PJA2: variants seen among roughly 807,000 people sequenced by gnomAD.
PJA2 encodes the protein E3 ubiquitin-protein ligase Praja-2.
Under a neutral mutation model 69.3 loss-of-function variants are expected in PJA2, and 25 were observed. That is an observed-to-expected ratio of 0.36 (90% CI 0.26 to 0.50). The LOEUF (loss-of-function observed/expected upper bound fraction) is 0.50, where lower values mean the gene tolerates loss of function less well. Ranked by LOEUF, PJA2 falls within the 20% of genes least tolerant of loss-of-function variation. The probability of loss-of-function intolerance (pLI) is 0.96; values close to 1 mark genes in which losing one functional copy is unlikely to be tolerated. For missense variants in PJA2, 809 were observed against 830.2 expected (o/e 0.97, Z 0.31); for synonymous variants, 308 against 277.8 (o/e 1.11, Z -1.08).
At chr5:109,347,432 T>G (rs1034906754) in intron 7 of PJA2, among the ~76,000 whole-genome samples, 4 of 152,212 alleles carry the variant, frequency 2.6e-5, no homozygotes, top group Admixed American at 2.0e-4. Flanking sequence ...ATCAGACTCC[T>G]CCAGTGTGGG....
rs183501068 is a variant in PJA2, at chr5:109,344,770, T to A, written c.1814A>T (p.Asn605Ile). 1 of 1,614,142 alleles carries A rather than the reference T, an allele frequency of 6.2e-7. No individual in the cohort carries two copies. Among genetic ancestry groups the A allele is most frequent in the East Asian group, 2.2e-5 (1 of 44,868 alleles). The change falls in exon 8 of 10, where the codon AAT becomes ATT. Residue 605 changes from asparagine to isoleucine, a missense_variant. By Grantham distance (149) the Asn-to-Ile change is moderately radical. Coordinates refer to ENST00000361189, the MANE Select transcript of PJA2 (RefSeq NM_014819.5). ...ESLAVDVEVA[N>I]PPASKESIDG... ...AATGCTTTCCTTACTAGCTGGTGGATTGGCCACCTCAACATCCACTGCAAG... is the reference window on the plus strand; with the variant it reads ...AATGCTTTCCTTACTAGCTGGTGGAATGGCCACCTCAACATCCACTGCAAG...
At chr5:109,345,134 A>C (rs1446133942) in intron 7 of PJA2, among the ~76,000 whole-genome samples, 3 of 148,888 alleles carry the variant, frequency 2.0e-5, no homozygotes, top group African/African-American at 7.5e-5. Flanking sequence ...ACTTGAGGTC[A>C]GGAGTTCAAG....
intron 1 of PJA2, among the ~76,000 whole-genome samples, chr5:109,394,909 T>G (rs1055797186): frequency 7.9e-5 from 12 of 152,104 alleles, no homozygotes; most frequent in Admixed American, 7.9e-4. Context: ...TAACTCTGGG[T>G]AGGGGGTGAA....
At chr5:109,360,838 T>C (rs1762492938) in intron 6 of PJA2, among the ~76,000 whole-genome samples, 1 of 152,160 alleles carries the variant, frequency 6.6e-6, no homozygotes, top group African/African-American at 2.4e-5. Context: ...GTTCAAATTA[T>C]ATTCAGAGGC....
rs1746951513 is a variant in PJA2 at position 109,378,453 on chromosome 5, C to A, written c.1034G>T (p.Arg345Ile). ...RHEAKQRSVQ[R>I]WREALEVEES... ...CTCAACTTCCAAAGCCTCTCTCCAT[C>A]TTTGAACACTTCTTTGTTTCGCCTC... Residue 345 changes from arginine to isoleucine, a missense_variant, in exon 4 of 10, where the codon AGA (arginine) becomes ATA (isoleucine). Physicochemically the swap from Arg to Ile is moderately conservative, Grantham distance 97. This residue lies in a region of PJA2 where 700 missense variants were observed against 639.5 expected (regional missense o/e 1.09). Transcript: ENST00000361189. 3 of 1,614,176 alleles carry A rather than the reference C, an allele frequency of 1.9e-6. No individual in the cohort carries two copies. Among genetic ancestry groups the A allele is most frequent in the Non-Finnish European group, 2.5e-6 (3 of 1,180,028 alleles).
At chr5:109,391,568 G>A (rs150858587) in intron 1 of PJA2, among the ~76,000 whole-genome samples, 1 of 151,490 alleles carries the variant, frequency 6.6e-6, no homozygotes, top group Admixed American at 6.6e-5. Flanking sequence ...AGAAGTCCAT[G>A]TCATCTGAGC....
At chr5:109,338,332 C>T (rs1183799034) in intron 9 of PJA2, among the ~76,000 whole-genome samples, 1 of 152,056 alleles carries the variant, frequency 6.6e-6, no homozygotes, top group Non-Finnish European at 1.5e-5. Flanking sequence ...ACATATATTA[C>T]GTTTACCGTT....
chr5:109,342,658 G>A (rs1762096107), intron 9 of PJA2, among the ~76,000 whole-genome samples: 1 of 117,576 alleles, frequency 8.5e-6, no homozygotes, highest in Admixed American at 7.6e-5. Flanking sequence ...AGGTGGGGGT[G>A]TCAGCCCCCC....
chr5:109,362,445 G>A (rs1762519583), intron 6 of PJA2, among the ~76,000 whole-genome samples: 1 of 152,182 alleles, frequency 6.6e-6, no homozygotes, highest in Admixed American at 6.5e-5. Flanking sequence ...TAGGGAAGGA[G>A]AACTATTCTT....
Position 109,383,502 on chromosome 5 carries a change from GAC to G in PJA2, c.-71_-70del. The G allele has an allele frequency of 7.7e-7, 1 of 1,290,584 alleles. No homozygotes were observed. Among genetic ancestry groups the G allele is most frequent in the Non-Finnish European group, 1.1e-6 (1 of 904,142 alleles). 79.9% of individuals were successfully genotyped at this position (1,290,584 alleles called of 1,614,324 possible). ...TGATTTAGTTTTTATTCACACTATG[GAC>G]AAGCCGCAGAAGATTCCTACAAAGA... On this transcript the variant is annotated 5_prime_UTR_variant, in exon 2 of 10. Transcript: ENST00000361189.
At chr5:109,407,696 T>A (rs1747722033) in intron 1 of PJA2, among the ~76,000 whole-genome samples, 1 of 152,114 alleles carries the variant, frequency 6.6e-6, no homozygotes, top group Non-Finnish European at 1.5e-5. Context: ...AAAGTTTTGC[T>A]ATAACCAGAG....
chr5:109,342,043 G>C (rs1256410570), intron 9 of PJA2, among the ~76,000 whole-genome samples: 17 of 139,108 alleles, frequency 1.2e-4, no homozygotes, highest in African/African-American at 3.9e-4. Flanking sequence ...CCGTCCGGGA[G>C]GGAGGTGGGG....
In PJA2 at chr5:109,354,136, G is replaced by A. The variant is rs879328685; in HGVS notation, c.1764+1779C>T. 6.5e-3 allele frequency among the ~76,000 whole-genome samples: 563 copies of A among 86,538 alleles called. 39 individuals are homozygous for A. Among genetic ancestry groups the A allele is most frequent in the Non-Finnish European group, 9.3e-3 (361 of 38,836 alleles). The allele number at this position is 86,538 out of a possible 152,430, so 56.8% of individuals were successfully genotyped here. A position where few individuals can be genotyped will look rare whatever the true frequency, so the allele number is the denominator to read the frequency against. On this transcript the variant is annotated intron_variant, in intron 7 of 9. Transcript: ENST00000361189. ...TTAGATATCTATGGTATCTAGAGCTGTCTATAGATTAGATATCTATGATAT... is the reference window on the plus strand; with the variant it reads ...TTAGATATCTATGGTATCTAGAGCTATCTATAGATTAGATATCTATGATAT...
intron 8 of PJA2, 35 bp from the exon 9 acceptor site, chr5:109,344,346 T>A (rs1308960985): frequency 1.3e-6 from 2 of 1,562,244 alleles, no homozygotes; most frequent in Non-Finnish European, 1.7e-6. Flanking sequence ...CAATCACACG[T>A]AGTTCAATTT....
chr5:109,405,242 T>C (rs542387622), intron 1 of PJA2, among the ~76,000 whole-genome samples: 6 of 152,342 alleles, frequency 3.9e-5, no homozygotes, highest in Non-Finnish European at 7.3e-5. Flanking sequence ...GAGCAACATC[T>C]TCATGCTGCA....
intron 1 of PJA2, among the ~76,000 whole-genome samples, chr5:109,401,523 C>CA (rs1747548447): frequency 6.6e-6 from 1 of 151,894 alleles, no homozygotes. Context: ...ATACTGACAG[C>CA]AGAAAAAAGG....
chr5:109,342,382 G>C (rs531700237), intron 9 of PJA2, among the ~76,000 whole-genome samples: 8 of 69,488 alleles, frequency 1.2e-4, no homozygotes, highest in African/African-American at 5.9e-4. Context: ...AGGTGGGGGG[G>C]TCGGCCCCCT....
At position 109,336,267 on chromosome 5, in the gene PJA2, CTG is replaced by C. The variant is rs775132582; in HGVS notation, c.*962_*963del. On this transcript the variant is annotated 3_prime_UTR_variant, in exon 10 of 10. Transcript: ENST00000361189. The stretch of plus-strand genomic sequence containing the variant: ...GTCCATGTTTGCACATACTCGTCCA[CTG>C]TGTGTGATCACCTGAAGGAGACATT... 10 of 152,182 alleles carry C rather than the reference CTG, an allele frequency of 6.6e-5. No homozygotes were observed. The highest frequency in any genetic ancestry group is 1.3e-4 in the Non-Finnish European group (9 of 68,042). The allele number at this position is 152,182 out of a possible 1,614,324, so 9.4% of individuals were successfully genotyped here. A position where few individuals can be genotyped will look rare whatever the true frequency, so the allele number is the denominator to read the frequency against.
rs145102496 is a variant in PJA2, at chr5:109,402,990, T to C, written c.-88+6852A>G. The stretch of plus-strand genomic sequence containing the variant: ...AAGCTTACACCTTAATAAATTAACA[T>C]AGAGGAATTTAAACCCAAAGCATAT... On this transcript the variant is annotated intron_variant, in intron 1 of 9. Coordinates refer to ENST00000361189, the MANE Select transcript of PJA2 (RefSeq NM_014819.5). Among the ~76,000 whole-genome samples the C allele has an allele frequency of 6.5e-3, 983 of 151,622 alleles. 9 individuals are homozygous for C. The highest frequency in any genetic ancestry group is 0.022 in the African/African-American group (929 of 41,320).
Sources: gnomAD v4.1 joint callset for allele counts (sites outside exome capture counted in the v4.1 genomes callset) on GRCh38, gnomAD v4.1.1 for gene constraint, gnomAD v4.1.1 regional missense constraint, MANE v1.5 for transcripts, NCBI Gene and HGNC (gene_info 2026-07-23, HGNC 2026-07-21) for gene names.